The following ATP13A3 variants were observed in gnomAD, a reference collection of about 807,000 sequenced individuals.
ATP13A3 encodes the protein polyamine-transporting ATPase 13A3.
A neutral mutation model predicts 158.1 loss-of-function variants in ATP13A3; 59 were observed. The observed-to-expected ratio is 0.37, with a 90% CI of 0.30 to 0.46. The LOEUF is 0.46. Among genes scored for constraint, ATP13A3 ranks in the 20% least tolerant of loss-of-function variants. The pLI, the probability that ATP13A3 is intolerant of heterozygous loss-of-function variation, is 1.00. For missense variants in ATP13A3, 1,166 were observed against 1,525.2 expected (o/e 0.76, Z 3.92); for synonymous variants, 491 against 504.3 (o/e 0.97, Z 0.35).
chr3:194,463,483 A>C (rs1487828504), intron 2 of ATP13A3, among the ~76,000 whole-genome samples: 1 of 152,162 alleles, frequency 6.6e-6, no homozygotes, highest in Non-Finnish European at 1.5e-5. Context: ...TATGGTATCA[A>C]TAGCTATAGT....
In ATP13A3 at chr3:194,434,056, G is replaced by A. The variant is rs570102178; in HGVS notation, c.2121-160C>T. On this transcript the variant is annotated intron_variant, in intron 20 of 33. Transcript: ENST00000645319. ...ACATTTTATATGCTGAATAAACCAC[G>A]TGTGTGTTCAAGAGTTCAGTATCTC... Among the ~76,000 whole-genome samples the A allele has an allele frequency of 5.3e-5, 8 of 152,282 alleles. No individual in the cohort carries two copies. The East Asian group carries it at 9.6e-4, about 18-fold the overall frequency.
Position 194,448,427 on chromosome 3 carries a change from CA to C in ATP13A3, c.1150+29del. On this transcript the variant is annotated intron_variant, in intron 12 of 33. Coordinates refer to ENST00000645319, the MANE Select transcript of ATP13A3 (RefSeq NM_001367549.1). This position sits in a 1 kb window ranked among gnomAD's most constrained non-coding sequence, Gnocchi z 4.0. ...TAGGTATCAAATATGCTGAAACATG[CA>C]AAAAGAGATTAATTAAGATGTTTCC... 6.2e-7 allele frequency: 1 copy of C among 1,601,372 alleles called. No individual in the cohort carries two copies. Among genetic ancestry groups the C allele is most frequent in the African/African-American group, 1.3e-5 (1 of 74,654 alleles).
intron 21 of ATP13A3, 22 bp downstream of exon 21, chr3:194,433,750 G>C (rs1212334583): frequency 6.2e-7 from 1 of 1,612,702 alleles, no homozygotes; most frequent in African/African-American, 1.3e-5. Flanking sequence ...ATTTGCTTCT[G>C]TGTTCTTTTA....
At chr3:194,432,015 T>C (rs954988588) in intron 21 of ATP13A3, 123 bp from the exon 22 acceptor site, 9 of 767,526 alleles carry the variant, frequency 1.2e-5, no homozygotes, top group South Asian at 7.1e-5. Flanking sequence ...CGATAATGTA[T>C]GGTTCTTCCA....
At chr3:194,439,621 C>T (rs1017885229) in intron 16 of ATP13A3, among the ~76,000 whole-genome samples, 2 of 152,208 alleles carry the variant, frequency 1.3e-5, no homozygotes, top group South Asian at 2.1e-4. Flanking sequence ...TTCTAAGACA[C>T]CTTTTTTCGT....
chr3:194,492,581 A>C, intron 2 of ATP13A3, among the ~76,000 whole-genome samples: 1 of 151,982 alleles, frequency 6.6e-6, no homozygotes, highest in East Asian at 1.9e-4. Flanking sequence ...CAGCCTCCCA[A>C]GTAGCTGGGA....
In ATP13A3 at chr3:194,438,894, G is replaced by C; in HGVS notation, c.1789C>G (p.Leu597Val). The change falls in exon 17 of 34, where the codon CTG (leucine) becomes GTG (valine). Residue 597 changes from leucine to valine, a missense_variant. This residue lies in a region of ATP13A3 where 997 missense variants were observed against 1,341.2 expected (regional missense o/e 0.74). Coordinates refer to ENST00000645319, the MANE Select transcript of ATP13A3 (RefSeq NM_001367549.1). ...MPTVVRPPKQ[L>V]LPESTPAGNQ... ...CCTGCAGGGGTAGATTCAGGAAGCA[G>C]TTGTTTGGGAGGACGAACCACTGTG... 6.2e-7 allele frequency: 1 copy of C among 1,609,628 alleles called. No individual in the cohort carries two copies. The highest frequency in any genetic ancestry group is 8.5e-7 in the Non-Finnish European group (1 of 1,177,194).
intron 17 of ATP13A3, 81 bp downstream of exon 17, chr3:194,438,775 T>A: frequency 2.1e-6 from 2 of 951,156 alleles, no homozygotes; most frequent in East Asian, 6.1e-5. Flanking sequence ...CTTGTCTCTA[T>A]AAAAAATAAA....
At position 194,448,787 on chromosome 3, in the gene ATP13A3, G is replaced by C. The variant is rs1449914866; in HGVS notation, c.971-151C>G. 2 of 807,730 alleles carry C rather than the reference G, an allele frequency of 2.5e-6. No individual in the cohort carries two copies. The highest frequency in any genetic ancestry group is 1.8e-5 in the African/African-American group (1 of 56,440). 50.0% of individuals were successfully genotyped at this position (807,730 alleles called of 1,614,324 possible). On this transcript the variant is annotated intron_variant, in intron 11 of 33. Coordinates refer to ENST00000645319, the MANE Select transcript of ATP13A3 (RefSeq NM_001367549.1). The surrounding 1 kb of genome is among the most constrained non-coding windows in gnomAD (Gnocchi z 4.0). ...ATAATCACTGAGAGTTGTATATGTG[G>C]ACAACATGGCTTAATTTTTTGTCTA... is the stretch of plus-strand genomic sequence containing the variant.
chr3:194,419,273 C>T (rs552137826), intron 31 of ATP13A3, among the ~76,000 whole-genome samples: 102 of 152,202 alleles, frequency 6.7e-4, no homozygotes, highest in African/African-American at 2.2e-3. Flanking sequence ...TATAATGAAA[C>T]AGGGAATGAC....
rs151214288 is a variant in ATP13A3, at chr3:194,432,140, T to C, written c.2246-248A>G. ...CACCCACAATTTTTAAAGCCAAATA[T>C]AATTCTCAATCTTTTCCAGTCATGC... On this transcript the variant is annotated intron_variant, in intron 21 of 33. Transcript: ENST00000645319. 1.9e-4 allele frequency: 78 copies of C among 403,072 alleles called. 2 individuals are homozygous for C. The highest frequency in any genetic ancestry group is 1.4e-3 in the African/African-American group (70 of 48,310). 25.0% of individuals were successfully genotyped at this position (403,072 alleles called of 1,614,324 possible).
chr3:194,411,698 C>T (rs1238542625), intron 33 of ATP13A3, among the ~76,000 whole-genome samples: 1 of 151,744 alleles, frequency 6.6e-6, no homozygotes, highest in African/African-American at 2.4e-5. Context: ...TGGAGAAAGC[C>T]AAAAAGCCAC....
intron 6 of ATP13A3, among the ~76,000 whole-genome samples, chr3:194,458,493 G>A (rs1719407253): frequency 6.6e-6 from 1 of 152,054 alleles, no homozygotes; most frequent in Non-Finnish European, 1.5e-5. Context: ...GGGTTTGAGC[G>A]ATTCTCCTGC....
intron 2 of ATP13A3, chr3:194,493,956 T>C (rs1721176499): frequency 2.6e-6 from 1 of 388,486 alleles, no homozygotes; most frequent in Non-Finnish European, 4.5e-6. Context: ...TTATTTCTGC[T>C]TACAAATTGA....
At chr3:194,430,033 C>CA (rs1436727068) in intron 26 of ATP13A3, 39 bp downstream of exon 26, 14 of 1,516,584 alleles carry the variant, frequency 9.2e-6, no homozygotes, top group African/African-American at 1.4e-5. Flanking sequence ...TTATCAGAGA[C>CA]AGAGAAAAAG....
intron 15 of ATP13A3, among the ~76,000 whole-genome samples, chr3:194,443,417 G>A (rs994333552): frequency 6.6e-6 from 1 of 152,110 alleles, no homozygotes; most frequent in Non-Finnish European, 1.5e-5. Flanking sequence ...TAAATTGGGG[G>A]AGCAATGGTA....
chr3:194,436,982 A>T, intron 20 of ATP13A3, 113 bp downstream of exon 20: 1 of 1,260,912 alleles, frequency 7.9e-7, no homozygotes, highest in Non-Finnish European at 1.1e-6. Flanking sequence ...ATATTATATT[A>T]GATATCTTTT....
chr3:194,459,840 A>G lies in ATP13A3; in HGVS notation c.357T>C (p.Thr119=). The G allele has an allele frequency of 6.2e-7, 1 of 1,613,456 alleles. No homozygotes were observed. Residue 119 remains threonine, a synonymous_variant, in exon 5 of 34, where the codon ACT becomes ACC. Coordinates refer to ENST00000645319, the MANE Select transcript of ATP13A3 (RefSeq NM_001367549.1). ...TACTGATCCTGTGCCTATTTTCTTC[A>G]GTGGGATTCTCAATTAAACAAACTG... ...GHAVCLIENP[T]EENRHRISKY... is the part of the protein sequence containing the mutation.
rs546931528 is a variant in ATP13A3 at position 194,448,662 on chromosome 3, A to C, written c.971-26T>G. The C allele has an allele frequency of 3.1e-6, 5 of 1,590,048 alleles. No individual in the cohort carries two copies. The South Asian group carries it at 4.6e-5, about 15-fold the overall frequency. ...CTTTAAAAAACAACAACAACAACAA[A>C]AACAGTTTACAAATTATTAAACGAA... On this transcript the variant is annotated intron_variant, in intron 11 of 33. Transcript: ENST00000645319. The surrounding 1 kb of genome is among the most constrained non-coding windows in gnomAD (Gnocchi z 4.0).
Sources: gnomAD v4.1 joint callset for allele counts (sites outside exome capture counted in the v4.1 genomes callset) on GRCh38, gnomAD v4.1.1 for gene constraint, gnomAD v4.1.1 regional missense constraint, Gnocchi (gnomAD v3.1) non-coding constraint, MANE v1.5 for transcripts, NCBI Gene and HGNC (gene_info 2026-07-23, HGNC 2026-07-21) for gene names.